RBFOX1: variants seen among roughly 807,000 people sequenced by gnomAD.
RBFOX1 encodes RNA binding fox-1 homolog 1.
A neutral mutation model predicts 57.7 loss-of-function variants in RBFOX1; 8 were observed. That is an observed-to-expected ratio of 0.14 (90% confidence interval 0.08 to 0.25). The LOEUF (loss-of-function observed/expected upper bound fraction) is 0.25, where lower values mean the gene tolerates loss of function less well. Ranked by LOEUF, RBFOX1 falls within the 10% of genes least tolerant of loss-of-function variation. The probability of loss-of-function intolerance (pLI) is 1.00; values close to 1 mark genes in which losing one functional copy is unlikely to be tolerated. For synonymous variants in RBFOX1, 326 were observed against 222.4 expected, an observed-to-expected ratio of 1.47 and a Z score of -4.15; for missense variants, 611 against 548.5, an observed-to-expected ratio of 1.11 and a Z score of -1.14.
At chr16:7,221,367 T>TTTATTTA (rs79065821) in intron 4 of RBFOX1, among the ~76,000 whole-genome samples, 2,734 of 109,572 alleles carry the variant, frequency 0.025, 53 homozygotes, top group East Asian at 0.096. Flanking sequence ...TTATTTATTT[T>TTTATTTA]TTTATTTATT....
chr16:7,349,747 C>T (rs554616916), intron 4 of RBFOX1, among the ~76,000 whole-genome samples: 37 of 152,104 alleles, frequency 2.4e-4, no homozygotes, highest in Non-Finnish European at 5.1e-4. Flanking sequence ...CTAGACAATA[C>T]AGTTCCAGGT....
At chr16:6,973,627 G>A (rs2086099259) in intron 3 of RBFOX1, among the ~76,000 whole-genome samples, 1 of 152,052 alleles carries the variant, frequency 6.6e-6, no homozygotes, top group African/African-American at 2.4e-5. Flanking sequence ...AGTTATCAAA[G>A]AAACATTTTT....
At position 5,596,650 on chromosome 16, in the gene RBFOX1, C is replaced by T. The variant is rs915213685; in HGVS notation, c.259-2252C>T. The stretch of plus-strand genomic sequence containing the variant: ...TTGGGTCTTGTCACTGGGTTGAAAT[C>T]TGCTATTGCGCTTAACTCGTTGATC... On this transcript the variant is annotated intron_variant, in intron 2 of 2. Coordinates refer to the RBFOX1 transcript ENST00000585867. 2.6e-5 allele frequency among the ~76,000 whole-genome samples: 4 copies of T among 152,314 alleles called. No homozygotes were observed. The South Asian group carries it at 8.3e-4, about 32-fold the overall frequency.
At chr16:6,809,084 G>A (rs547615587) in intron 3 of RBFOX1, among the ~76,000 whole-genome samples, 224 of 152,268 alleles carry the variant, frequency 1.5e-3, no homozygotes, top group African/African-American at 5.2e-3. Flanking sequence ...ACCACCCATA[G>A]ACTGCTAAGT....
intron 1 of RBFOX1, among the ~76,000 whole-genome samples, chr16:5,265,664 A>T (rs1424222785): frequency 1.3e-5 from 2 of 152,322 alleles, no homozygotes; most frequent in East Asian, 3.9e-4. Context: ...ATTCTTGAGT[A>T]AAGCAAAAAT....
chr16:7,099,853 G>T (rs554150734), intron 4 of RBFOX1, among the ~76,000 whole-genome samples: 1 of 152,118 alleles, frequency 6.6e-6, no homozygotes, highest in African/African-American at 2.4e-5. Flanking sequence ...AGGTTTTATC[G>T]TGCGGTTACA....
chr16:6,453,641 C>G (rs563544046), intron 2 of RBFOX1, among the ~76,000 whole-genome samples: 1 of 152,086 alleles, frequency 6.6e-6, no homozygotes, highest in Non-Finnish European at 1.5e-5. Context: ...GAAACTATTT[C>G]CAAACAATAG....
chr16:7,113,401 G>C (rs919538587), intron 4 of RBFOX1, among the ~76,000 whole-genome samples: 6 of 152,130 alleles, frequency 3.9e-5, no homozygotes, highest in African/African-American at 1.4e-4. Flanking sequence ...AAGATAAAAA[G>C]TTTCCCTTCT....
chr16:7,264,088 C>A (rs1358994227), intron 4 of RBFOX1, among the ~76,000 whole-genome samples: 1 of 152,078 alleles, frequency 6.6e-6, no homozygotes, highest in Non-Finnish European at 1.5e-5. Flanking sequence ...CTGTTTCTTA[C>A]TCACAGTGAT....
chr16:7,531,326 T>C (rs753971163), intron 5 of RBFOX1, among the ~76,000 whole-genome samples: 1 of 152,152 alleles, frequency 6.6e-6, no homozygotes, highest in Non-Finnish European at 1.5e-5. Context: ...CGTATGGTAA[T>C]GATCACTAGC....
At chr16:7,642,125 A>AAG (rs1815491458) in intron 11 of RBFOX1, among the ~76,000 whole-genome samples, 1 of 152,084 alleles carries the variant, frequency 6.6e-6, no homozygotes, top group South Asian at 2.1e-4. Flanking sequence ...AAGTTCACCA[A>AAG]AGAAGCGGGT....
At chr16:6,941,700 G>C (rs1275447371) in intron 3 of RBFOX1, among the ~76,000 whole-genome samples, 1 of 152,156 alleles carries the variant, frequency 6.6e-6, no homozygotes, top group Non-Finnish European at 1.5e-5. Flanking sequence ...GGTTAGGAAA[G>C]GTGGATAGAC....
intron 3 of RBFOX1, among the ~76,000 whole-genome samples, chr16:5,812,679 C>G (rs1054470671): frequency 3.3e-5 from 5 of 152,088 alleles, no homozygotes; most frequent in Non-Finnish European, 5.9e-5. Flanking sequence ...CTACGTTGGT[C>G]TCAAACTCCT....
intron 2 of RBFOX1, among the ~76,000 whole-genome samples, chr16:6,567,453 A>C (rs2097282905): frequency 6.6e-6 from 1 of 152,132 alleles, no homozygotes; most frequent in South Asian, 2.1e-4. Context: ...ACTCTTCTCA[A>C]ATATCTCTCA....
At chr16:6,695,983 A>G (rs1373898675) in intron 3 of RBFOX1, among the ~76,000 whole-genome samples, 4 of 152,216 alleles carry the variant, frequency 2.6e-5, no homozygotes, top group African/African-American at 9.6e-5. Flanking sequence ...ATGTACAGAC[A>G]TACACACACT....
At chr16:7,405,789 G>A (rs1035521412) in intron 4 of RBFOX1, among the ~76,000 whole-genome samples, 5 of 152,134 alleles carry the variant, frequency 3.3e-5, no homozygotes, top group Non-Finnish European at 7.3e-5. Flanking sequence ...GGTAAGTAAA[G>A]GTAGTTCCTT....
At chr16:6,076,383 T>C (rs118014449) in intron 1 of RBFOX1, among the ~76,000 whole-genome samples, 1,849 of 152,102 alleles carry the variant, frequency 0.012, 24 homozygotes, top group Middle Eastern at 0.044. Context: ...GGGTTACATA[T>C]GCTTTTTAAC....
chr16:6,181,358 C>T (rs1476671516), intron 1 of RBFOX1, among the ~76,000 whole-genome samples: 1 of 152,174 alleles, frequency 6.6e-6, no homozygotes, highest in African/African-American at 2.4e-5. Context: ...TCCCACTGTT[C>T]TTGCCTAAAC....
chr16:6,663,620 C>T (rs2098714635), intron 3 of RBFOX1, among the ~76,000 whole-genome samples: 1 of 152,202 alleles, frequency 6.6e-6, no homozygotes, highest in Admixed American at 6.5e-5. Flanking sequence ...CTGCTGTGAG[C>T]GCCCATCTGG....
Sources: gnomAD v4.1 joint callset for allele counts (sites outside exome capture counted in the v4.1 genomes callset) on GRCh38, gnomAD v4.1.1 for gene constraint, MANE v1.5 for transcripts, NCBI Gene and HGNC (gene_info 2026-07-23, HGNC 2026-07-21) for gene names.